ENTREP2: variants seen among roughly 807,000 people sequenced by gnomAD.
The protein encoded by ENTREP2 is endosomal transmembrane epsin interactor 2.
At chr15:29,339,285 T>C in the ENTREP2 span, among the ~76,000 whole-genome samples, 7 of 152,202 alleles carry the variant, frequency 4.6e-5, no homozygotes, top group African/African-American at 9.6e-5. Flanking sequence ...GAGTGGCTCT[T>C]AGCATAAGGG....
the ENTREP2 span, among the ~76,000 whole-genome samples, chr15:29,220,367 C>A: frequency 4.6e-5 from 7 of 152,188 alleles, no homozygotes; most frequent in Non-Finnish European, 1.0e-4. Context: ...TACCTTTAAA[C>A]GCACGTTATT....
the ENTREP2 span, among the ~76,000 whole-genome samples, chr15:29,672,898 A>G: frequency 6.6e-6 from 1 of 152,150 alleles, no homozygotes; most frequent in African/African-American, 2.4e-5. Flanking sequence ...GGGCAAGTCC[A>G]TCAAGTTGGT....
the ENTREP2 span, among the ~76,000 whole-genome samples, chr15:29,526,803 T>G: frequency 6.6e-6 from 1 of 151,924 alleles, no homozygotes; most frequent in Admixed American, 6.6e-5. Context: ...TACCTTCCCA[T>G]CTTTCCAGTC....
chr15:29,170,273 A>C, the ENTREP2 span, among the ~76,000 whole-genome samples: 69,191 of 140,628 alleles, frequency 0.49, 19,987 homozygotes, highest in East Asian at 0.68. Flanking sequence ...GTGCCACTGC[A>C]CTCCAGCCTG....
At chr15:29,215,715 T>A in the ENTREP2 span, among the ~76,000 whole-genome samples, 1 of 152,116 alleles carries the variant, frequency 6.6e-6, no homozygotes, top group Non-Finnish European at 1.5e-5. Flanking sequence ...TAAGAATAGC[T>A]ACCCCTGCTC....
the ENTREP2 span, among the ~76,000 whole-genome samples, chr15:29,664,696 T>G: frequency 6.6e-6 from 1 of 152,176 alleles, no homozygotes; most frequent in Non-Finnish European, 1.5e-5. Flanking sequence ...TATAACAGCC[T>G]GCATTGACTG....
the ENTREP2 span, among the ~76,000 whole-genome samples, chr15:29,173,160 GCA>G: frequency 7.2e-5 from 11 of 152,172 alleles, no homozygotes; most frequent in African/African-American, 2.2e-4. Context: ...ACCAGCCTGG[GCA>G]CGTGTCCACT....
At chr15:29,579,690 T>C in the ENTREP2 span, among the ~76,000 whole-genome samples, 1 of 5,718 alleles carries the variant, frequency 1.7e-4, no homozygotes, top group South Asian at 6.2e-3. Flanking sequence ...CAGCTAATTT[T>C]TTTTTTTTTT....
At chr15:29,254,614 T>C in the ENTREP2 span, among the ~76,000 whole-genome samples, 1 of 152,130 alleles carries the variant, frequency 6.6e-6, no homozygotes, top group Non-Finnish European at 1.5e-5. Context: ...ATCCCAGCAC[T>C]TTGGGAGGCC....
the ENTREP2 span, among the ~76,000 whole-genome samples, chr15:29,142,082 C>T: frequency 6.6e-6 from 1 of 152,210 alleles, no homozygotes; most frequent in African/African-American, 2.4e-5. Flanking sequence ...AAGTCAAGTC[C>T]AGGCAAGGCA....
chr15:29,282,668 C>T, the ENTREP2 span, among the ~76,000 whole-genome samples: 2 of 152,170 alleles, frequency 1.3e-5, no homozygotes, highest in African/African-American at 4.8e-5. Context: ...TGTCGCTGAT[C>T]CCTGACTCTT....
the ENTREP2 span, among the ~76,000 whole-genome samples, chr15:29,300,788 C>T: frequency 2.6e-5 from 4 of 152,072 alleles, no homozygotes; most frequent in African/African-American, 4.8e-5. Context: ...TTAGTAGAGA[C>T]GGGGTTTCAC....
chr15:29,236,975 C>T, the ENTREP2 span, among the ~76,000 whole-genome samples: 1 of 152,228 alleles, frequency 6.6e-6, no homozygotes, highest in South Asian at 2.1e-4. Flanking sequence ...AAAAAATCCA[C>T]AATAAAATAT....
the ENTREP2 span, among the ~76,000 whole-genome samples, chr15:29,567,944 TG>T: frequency 6.6e-6 from 1 of 152,190 alleles, no homozygotes; most frequent in African/African-American, 2.4e-5. Flanking sequence ...GATTTCTTTA[TG>T]AAGCCAGCCC....
the ENTREP2 span, among the ~76,000 whole-genome samples, chr15:29,138,003 C>T: frequency 2.0e-5 from 3 of 152,124 alleles, no homozygotes; most frequent in South Asian, 2.1e-4. Flanking sequence ...ATTGTGCATT[C>T]GTGTGTTAAA....
the ENTREP2 span, among the ~76,000 whole-genome samples, chr15:29,155,231 A>G: frequency 7.0e-3 from 1,057 of 151,744 alleles, 15 homozygotes; most frequent in African/African-American, 0.023. Flanking sequence ...GCAGTGAGCC[A>G]AGATCGCGCC....
At chr15:29,494,095 G>T in the ENTREP2 span, among the ~76,000 whole-genome samples, 1 of 151,850 alleles carries the variant, frequency 6.6e-6, no homozygotes, top group Non-Finnish European at 1.5e-5. Flanking sequence ...AAGTAACAAG[G>T]ATCGAAAAGA....
chr15:29,436,855 C>T, the ENTREP2 span, among the ~76,000 whole-genome samples: 7 of 152,188 alleles, frequency 4.6e-5, no homozygotes, highest in African/African-American at 1.4e-4. Flanking sequence ...TACGGAATTT[C>T]CAACGATGTT....
chr15:29,196,453 T>C, the ENTREP2 span: 1 of 1,551,598 alleles, frequency 6.4e-7, no homozygotes, highest in Non-Finnish European at 8.7e-7. Flanking sequence ...CTCACAGCGT[T>C]GCAGTTCTCC....
Sources: allele counts gnomAD v4.1 joint callset (sites outside exome capture counted in the v4.1 genomes callset), GRCh38; gene constraint gnomAD v4.1.1; transcripts MANE v1.5; gene names NCBI Gene and HGNC (gene_info 2026-07-23, HGNC 2026-07-21).